Variants in DAAM2 observed in about 807,000 individuals in gnomAD.
The protein encoded by DAAM2 is disheveled-associated activator of morphogenesis 2.
A neutral mutation model predicts 120.7 loss-of-function variants in DAAM2; 39 were observed. That is an observed-to-expected ratio of 0.32 (90% CI 0.25 to 0.42). The LOEUF (loss-of-function observed/expected upper bound fraction) is 0.42. DAAM2 is among the 10% of genes least tolerant of loss of function. The pLI, the probability that DAAM2 is intolerant of heterozygous loss-of-function variation, is 1.00. For missense variants in DAAM2, 1,283 were observed against 1,401.7 expected (o/e 0.92, Z 1.35); for synonymous variants, 488 against 524.9 (o/e 0.93, Z 0.96).
In DAAM2 at chr6:39,871,487, G is replaced by A. The variant is rs755185350; in HGVS notation, c.978-19G>A. The A allele has an allele frequency of 4.5e-6, 7 of 1,550,372 alleles. No homozygotes were observed. The highest frequency in any genetic ancestry group is 6.1e-6 in the Non-Finnish European group (7 of 1,145,956). ...CCTGGCTGTAATGTCTACTCTCTCT[G>A]TCTCCCCATTCTGTCTAGACATTTA... On this transcript the variant is annotated intron_variant, in intron 8 of 24. Coordinates refer to ENST00000274867, the MANE Select transcript of DAAM2 (RefSeq NM_001201427.2).
chr6:39,881,554 T>TA (rs66967468), intron 14 of DAAM2, among the ~76,000 whole-genome samples: 16,505 of 152,058 alleles, frequency 0.11, 1,937 homozygotes, highest in African/African-American at 0.29. Context: ...CCATCTTTAC[T>TA]AAAAATACAA....
intron 8 of DAAM2, 96 bp downstream of exon 8, chr6:39,870,539 G>A (rs1764616258): frequency 1.3e-6 from 1 of 774,188 alleles, no homozygotes; most frequent in Non-Finnish European, 2.2e-6. Context: ...CTTCCCTCTG[G>A]AGACCAGCTG....
chr6:39,877,076 A>G (rs1764904351), intron 11 of DAAM2, among the ~76,000 whole-genome samples: 1 of 152,150 alleles, frequency 6.6e-6, no homozygotes, highest in Admixed American at 6.5e-5. Flanking sequence ...GGCTGCTTCC[A>G]GCTCTTCCAT....
intron 1 of DAAM2, among the ~76,000 whole-genome samples, chr6:39,815,817 C>A (rs916123629): frequency 6.6e-6 from 1 of 152,192 alleles, no homozygotes; most frequent in Non-Finnish European, 1.5e-5. Flanking sequence ...AAAGGTTACA[C>A]CATTTGGTCT....
intron 6 of DAAM2, 147 bp downstream of exon 6, chr6:39,867,990 T>A: frequency 1.4e-6 from 1 of 702,374 alleles, no homozygotes; most frequent in Non-Finnish European, 2.4e-6. Flanking sequence ...AGGTAACAGG[T>A]GAAGAGTACT....
At chr6:39,844,655 G>A (rs1763490601) in intron 1 of DAAM2, among the ~76,000 whole-genome samples, 1 of 152,100 alleles carries the variant, frequency 6.6e-6, no homozygotes, top group African/African-American at 2.4e-5. Context: ...AAAAGACATT[G>A]CCTTCTCAAC....
In DAAM2 at chr6:39,904,552, C is replaced by T. The variant is rs1562075641; in HGVS notation, c.*2515C>T. ...TCATCAACCTAACAAACACAACCTTCTCAGCAGCATTTCTCCCCTGTGATG... is the reference window on the plus strand; with the variant it reads ...TCATCAACCTAACAAACACAACCTTTTCAGCAGCATTTCTCCCCTGTGATG... On this transcript the variant is annotated 3_prime_UTR_variant, in exon 25 of 25. Coordinates refer to ENST00000274867, the MANE Select transcript of DAAM2 (RefSeq NM_001201427.2). 2.2e-6 allele frequency: 1 copy of T among 453,872 alleles called. No individual in the cohort carries two copies. Among genetic ancestry groups the T allele is most frequent in the Admixed American group, 2.3e-5 (1 of 42,568 alleles). 28.1% of individuals were successfully genotyped at this position (453,872 alleles called of 1,614,324 possible). A position where few individuals can be genotyped will look rare whatever the true frequency, so the allele number is the denominator to read the frequency against.
intron 1 of DAAM2, among the ~76,000 whole-genome samples, chr6:39,809,829 G>A (rs1050382943): frequency 1.3e-5 from 2 of 152,174 alleles, no homozygotes; most frequent in Non-Finnish European, 2.9e-5. Context: ...GGCTAGAGTT[G>A]TTCTGTCAAC....
chr6:39,874,936 A>G lies in DAAM2; in HGVS notation c.1163-394A>G, dbSNP rs1764809181. ...GATAATCCTAAAATCTTTTTTAAAA[A>G]AAACTTCCCTGGAGACTTCATTATT... On this transcript the variant is annotated intron_variant, in intron 10 of 24. Coordinates refer to ENST00000274867, the MANE Select transcript of DAAM2 (RefSeq NM_001201427.2). Among the ~76,000 whole-genome samples the G allele has an allele frequency of 1.3e-5, 2 of 152,194 alleles. 1 individual carries two copies.
intron 1 of DAAM2, among the ~76,000 whole-genome samples, chr6:39,839,146 G>C (rs1763225511): frequency 6.6e-6 from 1 of 150,766 alleles, no homozygotes; most frequent in African/African-American, 2.4e-5. Context: ...ATTCTACTTT[G>C]CAGCCAGGCA....
intron 1 of DAAM2, among the ~76,000 whole-genome samples, chr6:39,818,559 A>C (rs1279584168): frequency 1.3e-5 from 2 of 152,238 alleles, no homozygotes; most frequent in African/African-American, 4.8e-5. Flanking sequence ...TCATGGAAGA[A>C]CATGGGTTGT....
At chr6:39,832,274 C>A (rs1174162660) in intron 1 of DAAM2, among the ~76,000 whole-genome samples, 1 of 151,942 alleles carries the variant, frequency 6.6e-6, no homozygotes, top group South Asian at 2.1e-4. Context: ...TGAGGGGGTC[C>A]CAGAGGCTCC....
chr6:39,841,692 T>C (rs1763347472), intron 1 of DAAM2, among the ~76,000 whole-genome samples: 1 of 152,040 alleles, frequency 6.6e-6, no homozygotes, highest in Non-Finnish European at 1.5e-5. Flanking sequence ...ATCCCTTCAG[T>C]GGCAATAATC....
In DAAM2 at chr6:39,901,674, T is replaced by C; in HGVS notation, c.2983-139T>C. ...TGTGAAGCTGGGGGCCTGTATGTCC[T>C]AGGCAGGAAGAAAGTGGGGCCAACA... On this transcript the variant is annotated intron_variant, in intron 24 of 24. Transcript: ENST00000274867. This position sits in a 1 kb window ranked among gnomAD's most constrained non-coding sequence, Gnocchi z 4.5. 1.0e-6 allele frequency: 1 copy of C among 987,802 alleles called. No homozygotes were observed. The highest frequency in any genetic ancestry group is 1.7e-5 in the South Asian group (1 of 58,070). 61.2% of individuals were successfully genotyped at this position (987,802 alleles called of 1,614,324 possible). A position where few individuals can be genotyped will look rare whatever the true frequency, so the allele number is the denominator to read the frequency against.
chr6:39,799,765 G>A (rs1419996084), intron 1 of DAAM2, among the ~76,000 whole-genome samples: 1 of 152,162 alleles, frequency 6.6e-6, no homozygotes, highest in Non-Finnish European at 1.5e-5. Flanking sequence ...GCTTAAGCAA[G>A]TGAATTAATA....
At chr6:39,850,483 A>G (rs1239234989) in intron 1 of DAAM2, among the ~76,000 whole-genome samples, 1 of 152,150 alleles carries the variant, frequency 6.6e-6, no homozygotes, top group African/African-American at 2.4e-5. Flanking sequence ...GACTTTTAGG[A>G]AAGGGATCAC....
intron 1 of DAAM2, among the ~76,000 whole-genome samples, chr6:39,824,788 G>A (rs1762610115): frequency 6.6e-6 from 1 of 152,212 alleles, no homozygotes; most frequent in African/African-American, 2.4e-5. Flanking sequence ...CCAGCTCCAG[G>A]CAAGGTCCAG....
intron 1 of DAAM2, among the ~76,000 whole-genome samples, chr6:39,835,409 C>A (rs1293481051): frequency 6.6e-6 from 1 of 152,200 alleles, no homozygotes; most frequent in Non-Finnish European, 1.5e-5. Context: ...GATCTCTTCT[C>A]ACGTTAGAAG....
At position 39,867,792 on chromosome 6, in the gene DAAM2, G is replaced by A. The variant is rs770119525; in HGVS notation, c.711G>A (p.Leu237=). 39 of 1,612,144 alleles carry A rather than the reference G, an allele frequency of 2.4e-5. No homozygotes were observed. The highest frequency in any genetic ancestry group is 8.4e-5 in the Admixed American group (5 of 59,754). ...TGCCTGGTGGCCACAAGAAGGTGCT[G>A]CAGGCCATGCTGCACTACCAGGTGT... ...CLVPGGHKKV[L]QAMLHYQVYA... The change falls in exon 6 of 25, where the codon CTG becomes CTA. Residue 237 remains leucine (L), a synonymous_variant. Transcript: ENST00000274867.
Sources: gnomAD v4.1 joint callset for allele counts (sites outside exome capture counted in the v4.1 genomes callset) on GRCh38, gnomAD v4.1.1 for gene constraint, Gnocchi (gnomAD v3.1) non-coding constraint, MANE v1.5 for transcripts, NCBI Gene and HGNC (gene_info 2026-07-23, HGNC 2026-07-21) for gene names.